Variants in THRA observed in about 807,000 individuals in gnomAD.
THRA encodes thyroid hormone receptor alpha.
In THRA, 13 loss-of-function variants were observed where a neutral mutation model predicts 45.0. The observed-to-expected ratio is 0.29, with a 90% CI of 0.19 to 0.46. The LOEUF (loss-of-function observed/expected upper bound fraction) is 0.46, where lower values mean the gene tolerates loss of function less well. THRA is among the 20% of genes least tolerant of loss of function. THRA has a pLI of 1.00. For missense variants in THRA, 278 were observed against 556.1 expected (o/e 0.50, Z 5.03); for synonymous variants, 195 against 214.0 (o/e 0.91, Z 0.78).
chr17:40,082,614 G>T (rs1048441259), intron 4 of THRA, among the ~76,000 whole-genome samples: 2 of 151,614 alleles, frequency 1.3e-5, no homozygotes, highest in Non-Finnish European at 2.9e-5. Context: ...TGCCCGCCTG[G>T]GCCTCCCAAA....
At chr17:40,082,449 G>A (rs763736437) in intron 4 of THRA, among the ~76,000 whole-genome samples, 15 of 149,800 alleles carry the variant, frequency 1.0e-4, no homozygotes, top group African/African-American at 1.7e-4. Context: ...AGTGCAATGC[G>A]AGCTCCACCT....
At chr17:40,074,860 T>C (rs547779804) in intron 2 of THRA, among the ~76,000 whole-genome samples, 25 of 152,350 alleles carry the variant, frequency 1.6e-4, no homozygotes, top group Admixed American at 1.6e-3. Context: ...ACCTTGAGCA[T>C]GTGGGATCCA....
chr17:40,084,432 C>T (rs1303009233), intron 5 of THRA, 178 bp from the exon 6 acceptor site: 2 of 663,928 alleles, frequency 3.0e-6, no homozygotes, highest in African/African-American at 1.8e-5. Flanking sequence ...GACATGGTCC[C>T]GGGGATTAAT....
chr17:40,076,397 T>C (rs1413371828), intron 2 of THRA, among the ~76,000 whole-genome samples: 1 of 152,208 alleles, frequency 6.6e-6, no homozygotes, highest in Non-Finnish European at 1.5e-5. Flanking sequence ...AAGAATGCCC[T>C]GAAAATTTCA....
chr17:40,070,026 G>A (rs909713200), intron 1 of THRA, among the ~76,000 whole-genome samples: 2 of 151,632 alleles, frequency 1.3e-5, no homozygotes, highest in African/African-American at 4.9e-5. Context: ...CTTTTGGGGC[G>A]GGGTGGGGAG....
intron 2 of THRA, 138 bp from the exon 3 acceptor site, chr17:40,076,733 T>C: frequency 1.2e-6 from 1 of 837,464 alleles, no homozygotes; most frequent in Non-Finnish European, 1.9e-6. Context: ...CATTGTCAGC[T>C]GACCCTGGGG....
intron 1 of THRA, among the ~76,000 whole-genome samples, chr17:40,063,680 TG>T (rs909766897): frequency 6.6e-6 from 1 of 151,854 alleles, no homozygotes; most frequent in East Asian, 1.9e-4. Flanking sequence ...ACGCGGTTGT[TG>T]GGGGGGAATG....
At chr17:40,081,263 GT>G (rs34097679) in intron 4 of THRA, among the ~76,000 whole-genome samples, 7,691 of 151,814 alleles carry the variant, frequency 0.051, 236 homozygotes, top group African/African-American at 0.079. Context: ...TTGGGTTTTT[GT>G]TTTTGTTTGT....
intron 8 of THRA, 107 bp downstream of exon 8, chr17:40,088,607 CCT>C: frequency 2.8e-6 from 4 of 1,408,008 alleles, no homozygotes; most frequent in Middle Eastern, 2.3e-4. Flanking sequence ...TTCTGGGCTA[CCT>C]CTCTGTCACC....
chr17:40,089,191 C>A lies in THRA; in HGVS notation c.983-15C>A, dbSNP rs1987444614. 4 of 1,612,768 alleles carry A rather than the reference C, an allele frequency of 2.5e-6. No individual in the cohort carries two copies. The highest frequency in any genetic ancestry group is 8.5e-7 in the Non-Finnish European group (1 of 1,179,456). On this transcript the variant is annotated splice_polypyrimidine_tract_variant and intron_variant, in intron 8 of 8. Transcript: ENST00000450525. The surrounding 1 kb of genome is among the most constrained non-coding windows in gnomAD (Gnocchi z 6.1). Reference sequence around the variant, plus strand: ...CGGCCAGCCCCTCGCCCCTCACGCCCCTCTTCCCTCACAGACCGCTCGGGC... The same window carrying A: ...CGGCCAGCCCCTCGCCCCTCACGCCACTCTTCCCTCACAGACCGCTCGGGC...
chr17:40,080,351 G>A (rs1238577761), intron 4 of THRA, among the ~76,000 whole-genome samples: 1 of 151,680 alleles, frequency 6.6e-6, no homozygotes. Flanking sequence ...GCTGCTGTGA[G>A]CTGTGATTAA....
intron 1 of THRA, among the ~76,000 whole-genome samples, chr17:40,067,641 C>T (rs1242419879): frequency 6.6e-6 from 1 of 152,154 alleles, no homozygotes. Flanking sequence ...TTTATTTAGC[C>T]CTGCCCCTCA....
At chr17:40,088,994 AC>A (rs148306095) in intron 8 of THRA, among the ~76,000 whole-genome samples, 20,416 of 55,406 alleles carry the variant, frequency 0.37, 2,504 homozygotes, top group East Asian at 0.65. Flanking sequence ...TCCCCCCAGT[AC>A]CCCCCTGCCC....
chr17:40,086,877 A>G, intron 7 of THRA, 24 bp downstream of exon 7: 4 of 1,613,550 alleles, frequency 2.5e-6, no homozygotes, highest in Non-Finnish European at 3.4e-6. Flanking sequence ...GTGGGGAGAG[A>G]TGTGATGCTG....
chr17:40,078,650 C>G (rs1271248403), intron 4 of THRA, among the ~76,000 whole-genome samples: 3 of 149,628 alleles, frequency 2.0e-5, no homozygotes, highest in Non-Finnish European at 4.5e-5. Context: ...CAACTTGAAA[C>G]AAACATCAGT....
chr17:40,079,599 GA>G (rs1318098299), intron 4 of THRA, among the ~76,000 whole-genome samples: 2 of 152,210 alleles, frequency 1.3e-5, no homozygotes, highest in East Asian at 3.9e-4. Context: ...GGCCTTCCAA[GA>G]AACAGAATTA....
chr17:40,076,681 T>G (rs1347826867), intron 2 of THRA, among the ~76,000 whole-genome samples, 190 bp from the exon 3 acceptor site: 4 of 152,112 alleles, frequency 2.6e-5, no homozygotes, highest in Non-Finnish European at 4.4e-5. Flanking sequence ...AAGCCCCTTA[T>G]CTCTCTCCCC....
chr17:40,088,528 A>T lies in THRA; in HGVS notation c.982+28A>T, dbSNP rs1218083733. 6 of 1,587,316 alleles carry T rather than the reference A, an allele frequency of 3.8e-6. No individual in the cohort carries two copies. In the African/African-American group the frequency reaches 8.1e-5, roughly 21 times the overall value. ...ACCTGCTGATTAGTCGGGAGGGCTC[A>T]GAAGCTTCCAGGGGTCCCAGAGATT... On this transcript the variant is annotated intron_variant, in intron 8 of 8. Coordinates refer to ENST00000450525, the MANE Select transcript of THRA (RefSeq NM_199334.5).
In THRA at chr17:40,089,491, G is replaced by T; in HGVS notation, c.*35G>T. ...CGGCCAGAGGGTGTGCGGAGCTGGT[G>T]GGGAGGAGCCTGGAGAGAAGGGGCA... On this transcript the variant is annotated 3_prime_UTR_variant, in exon 9 of 9. Transcript: ENST00000450525. This position sits in a 1 kb window ranked among gnomAD's most constrained non-coding sequence, Gnocchi z 6.1. 6.2e-7 allele frequency: 1 copy of T among 1,607,640 alleles called. No individual in the cohort carries two copies. Among genetic ancestry groups the T allele is most frequent in the South Asian group, 1.1e-5 (1 of 90,270 alleles).
Sources: allele counts gnomAD v4.1 joint callset (sites outside exome capture counted in the v4.1 genomes callset), GRCh38; gene constraint gnomAD v4.1.1; non-coding constraint Gnocchi (gnomAD v3.1); transcripts MANE v1.5; gene names NCBI Gene and HGNC (gene_info 2026-07-23, HGNC 2026-07-21).